Variants in GPR89B observed in about 807,000 individuals in gnomAD.
GPR89B encodes G protein-coupled receptor 89B.
GPR89B carries 25 observed loss-of-function variants against 52.4 expected under a neutral mutation model. The ratio of observed to expected loss-of-function variants is 0.48; its 90% CI spans 0.35 to 0.67. GPR89B has a LOEUF of 0.67. Ranked by LOEUF, GPR89B falls within the 30% of genes least tolerant of loss-of-function variation. The pLI, the probability that GPR89B is intolerant of heterozygous loss-of-function variation, is 0.01. For missense variants in GPR89B, 146 were observed against 450.2 expected (o/e 0.32, Z 6.11); for synonymous variants, 52 against 151.2 (o/e 0.34, Z 4.81).
the GPR89B span, among the ~76,000 whole-genome samples, chr1:148,004,401 G>A: frequency 3.4e-5 from 5 of 148,774 alleles, no homozygotes; most frequent in African/African-American, 9.9e-5. Flanking sequence ...TCCTGACCTC[G>A]TGATCCACCC....
intron 10 of GPR89B, among the ~76,000 whole-genome samples, chr1:147,971,923 C>T (rs1217908076): frequency 2.0e-5 from 3 of 151,656 alleles, no homozygotes; most frequent in African/African-American, 7.3e-5. Context: ...ACACATCCAT[C>T]CATCACTGCC....
intron 10 of GPR89B, among the ~76,000 whole-genome samples, chr1:147,979,176 A>G (rs1345673277): frequency 6.6e-6 from 1 of 152,062 alleles, no homozygotes; most frequent in East Asian, 1.9e-4. Context: ...GGTTGTGCCA[A>G]CTGCCTAGTC....
chr1:147,960,859 A>G (rs1183457134), intron 7 of GPR89B, among the ~76,000 whole-genome samples: 3 of 151,928 alleles, frequency 2.0e-5, no homozygotes, highest in African/African-American at 7.3e-5. Context: ...AAAACATAAA[A>G]TAAAAATAAA....
At chr1:147,965,363 A>T (rs1349152443) in intron 7 of GPR89B, among the ~76,000 whole-genome samples, 1 of 151,068 alleles carries the variant, frequency 6.6e-6, no homozygotes, top group South Asian at 2.1e-4. Flanking sequence ...GCTCTTCACC[A>T]TTTTTATCTT....
At chr1:147,976,662 T>TA (rs1657844898) in intron 10 of GPR89B, among the ~76,000 whole-genome samples, 2 of 151,760 alleles carry the variant, frequency 1.3e-5, no homozygotes, top group Non-Finnish European at 2.9e-5. Context: ...TTAAAATTGT[T>TA]ATGTGTGATT....
At chr1:148,024,742 G>A in the GPR89B span, 6 of 149,474 alleles carry the variant, frequency 4.0e-5, no homozygotes, top group Non-Finnish European at 7.4e-5. Context: ...GTGCCCAGGG[G>A]GAGAAGTGGC....
Position 147,940,880 on chromosome 1 carries a change from T to C in GPR89B, c.206+2063T>C, listed in dbSNP as rs369438292. On this transcript the variant is annotated intron_variant, in intron 3 of 13. Coordinates refer to ENST00000314163, the MANE Select transcript of GPR89B (RefSeq NM_016334.5). The stretch of plus-strand genomic sequence containing the variant: ...TAACCCGTATAGTAAGAAACATCTG[T>C]CATACTATGGTGTATGTTTCCTAAA... 3.8e-3 allele frequency among the ~76,000 whole-genome samples: 570 copies of C among 148,762 alleles called. 3 individuals carry two copies. The highest frequency in any genetic ancestry group is 0.013 in the African/African-American group (539 of 40,032).
intron 7 of GPR89B, among the ~76,000 whole-genome samples, chr1:147,960,262 A>T (rs1656433268): frequency 1.3e-5 from 2 of 151,034 alleles, no homozygotes; most frequent in South Asian, 4.2e-4. Flanking sequence ...AACTTGCTAG[A>T]CATGTAAAGA....
At chr1:147,937,600 G>A (rs1553248184) in intron 2 of GPR89B, among the ~76,000 whole-genome samples, 1 of 151,988 alleles carries the variant, frequency 6.6e-6, no homozygotes, top group Non-Finnish European at 1.5e-5. Flanking sequence ...CCTTCCCCAG[G>A]GTTATTCCTT....
At chr1:147,957,229 CA>C (rs1232350840) in intron 7 of GPR89B, among the ~76,000 whole-genome samples, 1 of 151,892 alleles carries the variant, frequency 6.6e-6, no homozygotes, top group Admixed American at 6.6e-5. Context: ...ATCTATATCA[CA>C]GTGTATAAAA....
chr1:147,994,021 C>G (rs1659252061), downstream of GPR89B: 1 of 879,316 alleles, frequency 1.1e-6, no homozygotes, highest in African/African-American at 1.7e-5. Context: ...CATCATCATA[C>G]AGAGAAATGT....
chr1:147,951,629 T>G (rs1171751331), intron 5 of GPR89B, among the ~76,000 whole-genome samples: 2 of 151,774 alleles, frequency 1.3e-5, no homozygotes, highest in Non-Finnish European at 2.9e-5. Context: ...AGGAGACAGA[T>G]GATGGAACAA....
intron 5 of GPR89B, among the ~76,000 whole-genome samples, chr1:147,950,795 T>C (rs1182366373): frequency 9.9e-5 from 15 of 152,014 alleles, no homozygotes; most frequent in African/African-American, 3.6e-4. Flanking sequence ...CAGTCAGGCG[T>C]GGTGGCGCAC....
chr1:147,960,432 A>G (rs1263248162), intron 7 of GPR89B, among the ~76,000 whole-genome samples: 2 of 152,154 alleles, frequency 1.3e-5, no homozygotes, highest in Non-Finnish European at 2.9e-5. Context: ...GAGAATCCCA[A>G]CAAAGAAATG....
At chr1:148,009,657 A>T in the GPR89B span, 4 of 729,888 alleles carry the variant, frequency 5.5e-6, no homozygotes, top group Non-Finnish European at 9.0e-6. Flanking sequence ...GGAAATGCTG[A>T]CCATCTGGCT....
At chr1:148,000,837 T>C in the GPR89B span, among the ~76,000 whole-genome samples, 1 of 146,804 alleles carries the variant, frequency 6.8e-6, no homozygotes, top group Non-Finnish European at 1.5e-5. Flanking sequence ...GTGGGTGTTA[T>C]GATAAAGAGC....
chr1:147,998,601 C>T, the GPR89B span, among the ~76,000 whole-genome samples: 14 of 151,998 alleles, frequency 9.2e-5, no homozygotes, highest in African/African-American at 2.4e-4. Flanking sequence ...AGATTTTGGC[C>T]GGGCTTGGTG....
At chr1:147,983,458 A>G (rs1482016885) in intron 10 of GPR89B, among the ~76,000 whole-genome samples, 3 of 152,170 alleles carry the variant, frequency 2.0e-5, no homozygotes, top group African/African-American at 4.8e-5. Flanking sequence ...AGAATCTACA[A>G]TGAACTCAAA....
chr1:147,946,653 C>CT (rs1307794189), intron 5 of GPR89B, among the ~76,000 whole-genome samples: 2 of 152,106 alleles, frequency 1.3e-5, no homozygotes, highest in Non-Finnish European at 2.9e-5. Context: ...AGACCCGACT[C>CT]TGACACCTTT....
Sources: gnomAD v4.1 joint callset for allele counts (sites outside exome capture counted in the v4.1 genomes callset) on GRCh38, gnomAD v4.1.1 for gene constraint, MANE v1.5 for transcripts, NCBI Gene and HGNC (gene_info 2026-07-23, HGNC 2026-07-21) for gene names.